Variants in REV3L observed in about 807,000 individuals in gnomAD.
REV3L encodes REV3 like, DNA directed polymerase zeta catalytic subunit, also known as DNA polymerase zeta catalytic subunit.
A neutral mutation model predicts 299.4 loss-of-function variants in REV3L; 69 were observed. That is an observed-to-expected ratio of 0.23 (90% confidence interval 0.19 to 0.28). REV3L has a LOEUF of 0.28. Among genes scored for constraint, REV3L ranks in the 10% least tolerant of loss-of-function variants. The pLI is 1.00. For synonymous variants in REV3L, 1,238 were observed against 1,271.4 expected, an observed-to-expected ratio of 0.97 and a Z score of 0.56; for missense variants, 3,128 against 3,693.8, an observed-to-expected ratio of 0.85 and a Z score of 3.97.
chr6:111,307,693 T>C (rs941342425), intron 30 of REV3L, 123 bp from the exon 31 acceptor site: 4 of 850,518 alleles, frequency 4.7e-6, no homozygotes, highest in Admixed American at 2.1e-5. Context: ...TCAACAAATG[T>C]TGAGTAGCTA....
At chr6:111,454,203 G>T (rs1789904067) in intron 1 of REV3L, among the ~76,000 whole-genome samples, 1 of 151,210 alleles carries the variant, frequency 6.6e-6, no homozygotes, top group Admixed American at 6.6e-5. Context: ...TTAGCTTCCT[G>T]AAGTGAGGGG....
chr6:111,357,059 G>T lies in REV3L; in HGVS notation c.7139C>A (p.Ala2380Asp). The T allele has an allele frequency of 6.2e-7, 1 of 1,601,740 alleles. No individual in the cohort carries two copies. Among genetic ancestry groups the T allele is most frequent in the African/African-American group, 1.3e-5 (1 of 74,698 alleles). The change falls in exon 18 of 32, where the codon GCT (alanine) becomes GAT (aspartate). Residue 2380 changes from alanine to aspartate, a missense_variant. Transcript: ENST00000368802. ...TTCATGAAAAAGTGCCTTCTCATCA[G>T]CAGCATAGGTGACTTCGAGTCCTGT... Reference protein sequence around the residue: ...GITGLEVTYAADEKALFHEIA... With the variant: ...GITGLEVTYADDEKALFHEIA...
rs1397640575 is a variant in REV3L, at chr6:111,363,985, A to G, written c.6754-7T>C. The G allele has an allele frequency of 6.2e-6, 10 of 1,601,864 alleles. No individual in the cohort carries two copies. The highest frequency in any genetic ancestry group is 8.5e-6 in the Non-Finnish European group (10 of 1,176,160). On this transcript the variant is annotated splice_region_variant and splice_polypyrimidine_tract_variant and intron_variant, in intron 15 of 31. Transcript: ENST00000368802. Reference sequence around the variant, plus strand: ...TTACTGCTGCAAATTGATTCTATAAAAAAAAACACACACACACACAGCCAG... The same window carrying G: ...TTACTGCTGCAAATTGATTCTATAAGAAAAAACACACACACACACAGCCAG...
chr6:111,330,690 CATA>C lies in REV3L; in HGVS notation c.8035-955_8035-953del, dbSNP rs1255590922. Among the ~76,000 whole-genome samples, 3 of 151,932 alleles carry C rather than the reference CATA, an allele frequency of 2.0e-5. No homozygotes were observed. In the East Asian group the frequency reaches 5.8e-4, roughly 29 times the overall value. On this transcript the variant is annotated intron_variant, in intron 24 of 31. Coordinates refer to ENST00000368802, the MANE Select transcript of REV3L (RefSeq NM_001372078.1). ...CATTTGGTGTACATTTTGAAGCAGC[CATA>C]ATGTTTTAAGACATAAGATAAAAAG... is the stretch of plus-strand genomic sequence containing the variant.
intron 1 of REV3L, among the ~76,000 whole-genome samples, chr6:111,417,973 AG>A (rs1203112570): frequency 6.6e-6 from 1 of 152,200 alleles, no homozygotes; most frequent in East Asian, 1.9e-4. Context: ...TAAATTTCAT[AG>A]TTTTTCAATT....
chr6:111,422,593 TACACATATATATATATATAC>T (rs1158206592), intron 1 of REV3L, among the ~76,000 whole-genome samples: 734 of 31,866 alleles, frequency 0.023, 130 homozygotes, highest in Non-Finnish European at 0.041. Flanking sequence ...TATATATATA[TACACATATATATATATATAC>T]ACATATATAT....
chr6:111,375,496 T>C lies in REV3L; in HGVS notation c.2859A>G (p.Glu953=). The change falls in exon 13 of 32, where the codon GAA becomes GAG. Residue 953 remains glutamate (E), a synonymous_variant. Coordinates refer to ENST00000368802, the MANE Select transcript of REV3L (RefSeq NM_001372078.1). ...GGGATTTGAGAGTTCCATCTAAACT[T>C]TCACCAATTTCCATGGGATGAGGTA... is the stretch of plus-strand genomic sequence containing the variant. ...ISLPHPMEIG[E]SLDGTLKSRK... 6.2e-7 allele frequency: 1 copy of C among 1,607,250 alleles called. No individual in the cohort carries two copies. Among genetic ancestry groups the C allele is most frequent in the Non-Finnish European group, 8.5e-7 (1 of 1,178,350 alleles).
In REV3L at chr6:111,299,230, A is replaced by AAAAT. The variant is rs1290803138; in HGVS notation, c.*782_*785dup. 6.6e-6 allele frequency: 1 copy of AAAAT among 152,610 alleles called. No individual in the cohort carries two copies. Among genetic ancestry groups the AAAAT allele is most frequent in the African/African-American group, 2.4e-5 (1 of 41,452 alleles). 9.5% of individuals were successfully genotyped at this position (152,610 alleles called of 1,614,324 possible). ...TTAACTGTACAGTACATAAGGAAAG[A>AAAAT]AAATATTTTAAGTATATTTAGAAGC... On this transcript the variant is annotated 3_prime_UTR_variant, in exon 32 of 32. Transcript: ENST00000368802.
intron 25 of REV3L, among the ~76,000 whole-genome samples, chr6:111,326,618 AAAAAAATGG>A (rs1342441358): frequency 2.6e-5 from 4 of 152,042 alleles, no homozygotes; most frequent in Non-Finnish European, 4.4e-5. Context: ...CCCCCCAAAA[AAAAAAATGG>A]AAATCGGTAC....
intron 31 of REV3L, 143 bp downstream of exon 31, chr6:111,307,218 A>G: frequency 1.5e-6 from 1 of 679,406 alleles, no homozygotes; most frequent in South Asian, 1.9e-5. Context: ...GATATTTTTG[A>G]GATTTTTAGG....
chr6:111,422,679 CGTAT>C lies in REV3L; in HGVS notation c.140-6211_140-6208del, dbSNP rs1305644257. On this transcript the variant is annotated intron_variant, in intron 1 of 31. Transcript: ENST00000368802. Reference sequence around the variant, plus strand: ...ATATATATACATATATATATATATACGTATATATATATATATATATATTTCCCCC... The same window carrying C: ...ATATATATACATATATATATATATACATATATATATATATATATTTCCCCC... Among the ~76,000 whole-genome samples, 205 of 24,920 alleles carry C rather than the reference CGTAT, an allele frequency of 8.2e-3. 29 individuals carry two copies. Among genetic ancestry groups the C allele is most frequent in the Admixed American group, 0.023 (51 of 2,250 alleles). The allele number at this position is 24,920 out of a possible 152,430, so 16.3% of individuals were successfully genotyped here.
intron 4 of REV3L, among the ~76,000 whole-genome samples, chr6:111,400,626 T>C (rs562762753): frequency 2.0e-5 from 3 of 152,342 alleles, no homozygotes; most frequent in African/African-American, 7.2e-5. Flanking sequence ...CTCTATCAGA[T>C]TGTAATTTGC....
chr6:111,395,266 G>GA (rs921045000), intron 4 of REV3L, among the ~76,000 whole-genome samples: 2 of 151,918 alleles, frequency 1.3e-5, no homozygotes, highest in African/African-American at 4.8e-5. Flanking sequence ...ATTTTGATAT[G>GA]AACTGCAATG....
intron 1 of REV3L, among the ~76,000 whole-genome samples, chr6:111,448,269 C>T (rs78206806): frequency 6.6e-6 from 1 of 152,218 alleles, no homozygotes; most frequent in Non-Finnish European, 1.5e-5. Context: ...TTATACCATG[C>T]AACGAAGATC....
intron 15 of REV3L, among the ~76,000 whole-genome samples, chr6:111,364,527 T>G (rs1178700254): frequency 2.0e-5 from 3 of 152,036 alleles, no homozygotes; most frequent in Non-Finnish European, 4.4e-5. Flanking sequence ...CCCCAAAGTG[T>G]TATGTTCACA....
chr6:111,388,224 T>C (rs761383122), intron 7 of REV3L, 139 bp from the exon 8 acceptor site: 2 of 614,434 alleles, frequency 3.3e-6, no homozygotes, highest in Non-Finnish European at 5.7e-6. Flanking sequence ...ACTGTAGTTT[T>C]ACCATAGAAT....
intron 1 of REV3L, among the ~76,000 whole-genome samples, chr6:111,473,080 C>A (rs960102538): frequency 3.3e-5 from 5 of 152,132 alleles, no homozygotes. Context: ...AGCCAGATAC[C>A]AGAGTGACAT....
rs1779915994 is a variant in REV3L, at chr6:111,372,670, C to T, written c.5685G>A (p.Leu1895=). 1.3e-6 allele frequency: 2 copies of T among 1,577,294 alleles called. No individual in the cohort carries two copies. The highest frequency in any genetic ancestry group is 1.8e-5 in the Admixed American group (1 of 55,786). The change falls in exon 13 of 32, where the codon TTG becomes TTA. Residue 1895 remains leucine (L), a synonymous_variant. Coordinates refer to ENST00000368802, the MANE Select transcript of REV3L (RefSeq NM_001372078.1). ...PSREEIMATL[L]DHDLSETIYQ... ...AAATAGTCTCAGACAGGTCATGATCCAACAAAGTTGCCATAATTTCTTCCC... is the reference window on the plus strand; with the variant it reads ...AAATAGTCTCAGACAGGTCATGATCTAACAAAGTTGCCATAATTTCTTCCC...
At chr6:111,393,472 C>A (rs1408033100) in intron 4 of REV3L, among the ~76,000 whole-genome samples, 3 of 152,122 alleles carry the variant, frequency 2.0e-5, no homozygotes, top group Admixed American at 6.5e-5. Context: ...ATGCCATCAG[C>A]CCAAACATTA....
Sources: allele counts gnomAD v4.1 joint callset (sites outside exome capture counted in the v4.1 genomes callset), GRCh38; gene constraint gnomAD v4.1.1; transcripts MANE v1.5; gene names NCBI Gene and HGNC (gene_info 2026-07-23, HGNC 2026-07-21).